XPA: variants seen among roughly 807,000 people sequenced by gnomAD.
XPA encodes DNA repair protein complementing XP-A cells.
Under a neutral mutation model 35.7 loss-of-function variants are expected in XPA, and 27 were observed. That is an observed-to-expected ratio of 0.76 (90% CI 0.56 to 1.04). XPA has a LOEUF of 1.04. XPA is among the 50% of genes least tolerant of loss of function. The probability of loss-of-function intolerance (pLI) is 0.00; values close to 1 mark genes in which losing one functional copy is unlikely to be tolerated. For synonymous variants in XPA, 133 were observed against 118.4 expected (o/e 1.12, Z -0.80); for missense variants, 354 against 342.7 (o/e 1.03, Z -0.26).
In XPA at chr9:97,697,142, T is replaced by A; in HGVS notation, c.151A>T (p.Thr51Ser). The A allele has an allele frequency of 6.4e-7, 1 of 1,558,862 alleles. No homozygotes were observed. Among genetic ancestry groups the A allele is most frequent in the South Asian group, 1.2e-5 (1 of 86,366 alleles). ...ARLAARPYSATAAAATGGMAN... is the reference protein window; with the variant it reads ...ARLAARPYSASAAAATGGMAN... ...AAACCTCCAGTAGCCGCAGCCGCCG[T>A]CGCCGAGTAGGGCCGGGCAGCCAGC... Residue 51 changes from threonine (T) to serine (S), a missense_variant, in exon 1 of 6, where the codon ACG becomes TCG. Transcript: ENST00000375128.
At chr9:97,686,580 T>G (rs952259120) in intron 4 of XPA, among the ~76,000 whole-genome samples, 8 of 152,158 alleles carry the variant, frequency 5.3e-5, no homozygotes, top group Non-Finnish European at 1.2e-4. Context: ...GTTTCCAAAT[T>G]GTACTCTTAA....
chr9:97,686,600 A>G (rs1431003949), intron 4 of XPA, among the ~76,000 whole-genome samples: 1 of 152,154 alleles, frequency 6.6e-6, no homozygotes, highest in Non-Finnish European at 1.5e-5. Flanking sequence ...ACATCACCCA[A>G]TAGCAACAGG....
At chr9:97,683,848 G>A (rs182793404) in intron 5 of XPA, among the ~76,000 whole-genome samples, 1 of 143,052 alleles carries the variant, frequency 7.0e-6, no homozygotes, top group East Asian at 2.0e-4. Flanking sequence ...TAAGACATCT[G>A]ACCTTATTCA....
intron 5 of XPA, among the ~76,000 whole-genome samples, chr9:97,684,078 G>C (rs1382544272): frequency 6.6e-6 from 1 of 152,124 alleles, no homozygotes; most frequent in East Asian, 1.9e-4. Flanking sequence ...TTCTGTGATA[G>C]AGCACAAAGT....
chr9:97,690,650 T>C (rs535033934), intron 2 of XPA, among the ~76,000 whole-genome samples: 1 of 152,162 alleles, frequency 6.6e-6, no homozygotes, highest in Non-Finnish European at 1.5e-5. Flanking sequence ...CCTCCCAAAG[T>C]GCTGGGATTA....
At chr9:97,660,931 C>T in the XPA span, 144 of 1,604,588 alleles carry the variant, frequency 9.0e-5, no homozygotes, top group Non-Finnish European at 1.1e-4. Flanking sequence ...CCCTTACCCC[C>T]AATTCTGTGT....
intron 1 of XPA, among the ~76,000 whole-genome samples, chr9:97,694,142 G>A (rs939125311): frequency 1.3e-5 from 2 of 152,250 alleles, no homozygotes; most frequent in Admixed American, 6.5e-5. Flanking sequence ...AATATACTGT[G>A]TATGGATTTT....
chr9:97,697,090 G>A (rs866393854), intron 1 of XPA, 31 bp downstream of exon 1: 1 of 1,517,660 alleles, frequency 6.6e-7, no homozygotes, highest in Non-Finnish European at 8.8e-7. Context: ...GGCGGGGAGA[G>A]GGAAGGGGAA....
the XPA span, chr9:97,661,106 A>G: frequency 3.1e-6 from 5 of 1,605,648 alleles, no homozygotes; most frequent in Non-Finnish European, 4.2e-6. Context: ...GGAACTATGT[A>G]TAGGCCAACT....
intron 5 of XPA, chr9:97,682,083 TATC>T (rs2131388844): frequency 3.3e-6 from 1 of 307,288 alleles, no homozygotes; most frequent in South Asian, 2.9e-5. Flanking sequence ...TCTATCTATC[TATC>T]TATACACACC....
intron 5 of XPA, 74 bp downstream of exon 5, chr9:97,684,849 G>T: frequency 8.0e-7 from 1 of 1,243,190 alleles, no homozygotes. Context: ...ACATTAAACA[G>T]GAAGAATCTA....
the XPA span, chr9:97,658,890 T>G: frequency 3.1e-6 from 2 of 644,170 alleles, no homozygotes. Context: ...CATTAGCCAC[T>G]GTTTTATTTG....
At chr9:97,693,253 T>C (rs1003691498) in intron 2 of XPA, among the ~76,000 whole-genome samples, 4 of 152,210 alleles carry the variant, frequency 2.6e-5, no homozygotes, top group African/African-American at 9.6e-5. Flanking sequence ...TATCTTATAC[T>C]TTGTAAGCTG....
At position 97,688,633 on chromosome 9, in the gene XPA, T is replaced by G. The variant is rs938694474; in HGVS notation, c.389+901A>C. Among the ~76,000 whole-genome samples the G allele has an allele frequency of 5.9e-5, 9 of 152,352 alleles. 1 individual carries two copies. The East Asian group carries it at 9.6e-4, about 16-fold the overall frequency. On this transcript the variant is annotated intron_variant, in intron 3 of 5. Coordinates refer to ENST00000375128, the MANE Select transcript of XPA (RefSeq NM_000380.4). ...AGAATGACGACAATACTGTGGACTTTAACCACTGTGTCGGTGGGAAATGAG... is the reference window on the plus strand; with the variant it reads ...AGAATGACGACAATACTGTGGACTTGAACCACTGTGTCGGTGGGAAATGAG...
the XPA span, chr9:97,658,670 T>C: frequency 6.2e-7 from 1 of 1,613,054 alleles, no homozygotes; most frequent in African/African-American, 1.3e-5. Context: ...TATTAGATAT[T>C]GTTCCTCCTA....
chr9:97,661,161 T>C, the XPA span: 1 of 1,485,262 alleles, frequency 6.7e-7, no homozygotes, highest in Non-Finnish European at 9.1e-7. Context: ...CTTAAAGCAA[T>C]ATATCTATAT....
At chr9:97,696,542 G>C (rs1829048674) in intron 1 of XPA, among the ~76,000 whole-genome samples, 1 of 152,136 alleles carries the variant, frequency 6.6e-6, no homozygotes, top group African/African-American at 2.4e-5. Flanking sequence ...TCTGATTGCT[G>C]AGTAGGAGAT....
chr9:97,668,516 T>A, the XPA span, among the ~76,000 whole-genome samples: 2 of 152,166 alleles, frequency 1.3e-5, no homozygotes, highest in Non-Finnish European at 2.9e-5. Context: ...AGATGAATGA[T>A]TAGCAAGCTG....
the XPA span, chr9:97,655,985 T>G: frequency 6.3e-7 from 1 of 1,594,192 alleles, no homozygotes; most frequent in South Asian, 1.1e-5. Context: ...TATGTAAGCA[T>G]TGATAAAACT....
Sources: allele counts gnomAD v4.1 joint callset (sites outside exome capture counted in the v4.1 genomes callset), GRCh38; gene constraint gnomAD v4.1.1; transcripts MANE v1.5; gene names NCBI Gene and HGNC (gene_info 2026-07-23, HGNC 2026-07-21).